Variants in MBP observed in about 807,000 individuals in gnomAD.
The protein encoded by MBP is myelin basic protein.
MBP carries 16 observed loss-of-function variants against 35.8 expected under a neutral mutation model. The ratio of observed to expected loss-of-function variants is 0.45; its 90% CI spans 0.30 to 0.68. The LOEUF (loss-of-function observed/expected upper bound fraction) is 0.68, where lower values mean the gene tolerates loss of function less well. Among genes scored for constraint, MBP ranks in the 30% least tolerant of loss-of-function variants. The pLI, the probability that MBP is intolerant of heterozygous loss-of-function variation, is 0.08. For synonymous variants in MBP, 143 were observed against 159.6 expected (o/e 0.90, Z 0.78); for missense variants, 380 against 404.7 (o/e 0.94, Z 0.52).
chr18:77,058,675 C>T (rs1022829719), intron 3 of MBP, among the ~76,000 whole-genome samples: 2 of 152,134 alleles, frequency 1.3e-5, no homozygotes, highest in African/African-American at 2.4e-5. Flanking sequence ...TAATCTGGAA[C>T]AGACTGGGGA....
intron 4 of MBP, chr18:77,003,866 C>T (rs1033746160): frequency 2.4e-5 from 2 of 83,228 alleles, no homozygotes; most frequent in African/African-American, 9.6e-5. Context: ...CTTCCTTTCT[C>T]TCCAGGGATC....
intron 3 of MBP, 105 bp downstream of exon 3, chr18:77,066,193 C>A: frequency 5.1e-6 from 4 of 791,558 alleles, no homozygotes; most frequent in Non-Finnish European, 6.6e-6. Context: ...CAGACAGATC[C>A]ATGGATCACC....
chr18:77,056,734 CT>C (rs1404443737), intron 3 of MBP, among the ~76,000 whole-genome samples: 3 of 152,204 alleles, frequency 2.0e-5, no homozygotes, highest in Non-Finnish European at 4.4e-5. Context: ...CTGTCTCACT[CT>C]CCCTGGGGTA....
At chr18:77,120,084 C>T (rs1275870249) in intron 1 of MBP, among the ~76,000 whole-genome samples, 1 of 152,134 alleles carries the variant, frequency 6.6e-6, no homozygotes, top group Non-Finnish European at 1.5e-5. Context: ...AGAGCACAGC[C>T]GTGCTCAGCC....
rs1165230848 is a variant in MBP at position 76,980,433 on chromosome 18, T to C, written c.909A>G (p.Arg303=). ...TCCGGAACCAGGTGGGTTTTCAGCG[T>C]CTAGCCATGGGTGATCCAGAGCGAC... ...RDSRSGSPMA[R]R The change falls in exon 9 of 9, where the codon AGA becomes AGG. Residue 303 remains arginine (R), a synonymous_variant. Transcript: ENST00000355994. The C allele has an allele frequency of 6.2e-7, 1 of 1,613,688 alleles. No homozygotes were observed. Among genetic ancestry groups the C allele is most frequent in the East Asian group, 2.2e-5 (1 of 44,858 alleles).
At chr18:77,022,498 A>T (rs1972030049) in intron 3 of MBP, among the ~76,000 whole-genome samples, 1 of 152,138 alleles carries the variant, frequency 6.6e-6, no homozygotes, top group South Asian at 2.1e-4. Context: ...GTGTTTGAAA[A>T]AGCAACGTGA....
intron 2 of MBP, among the ~76,000 whole-genome samples, chr18:77,090,400 G>A (rs1008451768): frequency 1.3e-5 from 2 of 152,180 alleles, no homozygotes; most frequent in Non-Finnish European, 2.9e-5. Flanking sequence ...GCTTTCACCA[G>A]CTACCACTCT....
At chr18:77,066,956 G>C (rs566457034) in intron 2 of MBP, among the ~76,000 whole-genome samples, 1 of 152,378 alleles carries the variant, frequency 6.6e-6, no homozygotes, top group East Asian at 1.9e-4. Flanking sequence ...CGGCTTCAGA[G>C]TTTCTCCTCT....
At chr18:76,986,819 G>A in intron 7 of MBP, 2 of 985,358 alleles carry the variant, frequency 2.0e-6, no homozygotes, top group Non-Finnish European at 2.4e-6. Context: ...CTAAATCCGG[G>A]GATTGACTTT....
chr18:77,076,603 C>T (rs1974661196), intron 2 of MBP, among the ~76,000 whole-genome samples: 1 of 152,218 alleles, frequency 6.6e-6, no homozygotes, highest in African/African-American at 2.4e-5. Context: ...TGTTCTGTAG[C>T]AATGCAAAGC....
intron 1 of MBP, among the ~76,000 whole-genome samples, chr18:77,128,268 G>A (rs992118318): frequency 2.6e-5 from 4 of 152,136 alleles, no homozygotes; most frequent in African/African-American, 7.2e-5. Flanking sequence ...TGCGTTTAGC[G>A]GAAAAAGCCA....
At chr18:77,043,286 A>T (rs1304409905) in intron 3 of MBP, among the ~76,000 whole-genome samples, 6 of 152,216 alleles carry the variant, frequency 3.9e-5, no homozygotes, top group African/African-American at 1.4e-4. Flanking sequence ...GTTGGTAATT[A>T]AAAAAATTAT....
chr18:76,996,950 C>T (rs1307728302), intron 4 of MBP, among the ~76,000 whole-genome samples: 4 of 152,176 alleles, frequency 2.6e-5, no homozygotes, highest in Non-Finnish European at 5.9e-5. Flanking sequence ...TATCACTGTG[C>T]AAATTTTCTG....
intron 3 of MBP, among the ~76,000 whole-genome samples, chr18:77,045,923 G>A (rs1203550650): frequency 2.0e-5 from 3 of 152,172 alleles, no homozygotes; most frequent in Non-Finnish European, 4.4e-5. Context: ...GGGCACTAAT[G>A]CAGGTTTTAG....
At chr18:77,084,471 A>ACT (rs1975140159) in intron 2 of MBP, among the ~76,000 whole-genome samples, 2 of 143,244 alleles carry the variant, frequency 1.4e-5, no homozygotes, top group South Asian at 4.6e-4. Flanking sequence ...ACACACACAC[A>ACT]CTTCCGTGAG....
chr18:77,016,349 CAA>C, intron 4 of MBP: 6 of 989,022 alleles, frequency 6.1e-6, no homozygotes, highest in Non-Finnish European at 4.8e-6. Context: ...GGAGTTTGTT[CAA>C]AAGTCTTCCT....
rs951463934 is a variant in MBP at position 77,080,585 on chromosome 18, A to G, written c.52-14200T>C. Among the ~76,000 whole-genome samples the G allele has an allele frequency of 5.9e-5, 9 of 152,276 alleles. No individual in the cohort carries two copies. The East Asian group carries it at 1.7e-3, about 29-fold the overall frequency. ...ACACCTCATTAACGGCCCTTGGTCT[A>G]GACACAGGAGTACTAGAGAGGAAGT... On this transcript the variant is annotated intron_variant, in intron 2 of 8. Transcript: ENST00000355994.
chr18:77,024,606 G>A (rs184357437), intron 3 of MBP, among the ~76,000 whole-genome samples: 7 of 152,328 alleles, frequency 4.6e-5, no homozygotes, highest in Admixed American at 6.5e-5. Context: ...CCAGGCCCTC[G>A]TGCTCTGCAG....
intron 2 of MBP, among the ~76,000 whole-genome samples, chr18:77,076,310 G>C (rs868192725): frequency 3.3e-5 from 5 of 152,234 alleles, no homozygotes; most frequent in South Asian, 2.1e-4. Context: ...TTCCACCGTG[G>C]CCTCTTGAGT....
Sources: allele counts gnomAD v4.1 joint callset (sites outside exome capture counted in the v4.1 genomes callset), GRCh38; gene constraint gnomAD v4.1.1; transcripts MANE v1.5; gene names NCBI Gene and HGNC (gene_info 2026-07-23, HGNC 2026-07-21).